Variants in MERTK observed in about 807,000 individuals in gnomAD.
The protein encoded by MERTK is tyrosine-protein kinase Mer.
A neutral mutation model predicts 99.3 loss-of-function variants in MERTK; 69 were observed. The observed-to-expected ratio is 0.70, with a 90% CI of 0.57 to 0.85. The LOEUF is 0.85. Ranked by LOEUF, MERTK falls within the 40% of genes least tolerant of loss-of-function variation. The pLI is 0.00. For synonymous variants in MERTK, 426 were observed against 467.6 expected (o/e 0.91, Z 1.15); for missense variants, 1,125 against 1,249.4 (o/e 0.90, Z 1.50).
intron 2 of MERTK, 47 bp from the exon 3 acceptor site, chr2:111,944,913 C>T: frequency 6.7e-7 from 1 of 1,494,092 alleles, no homozygotes; most frequent in Non-Finnish European, 9.3e-7. Context: ...ATAATAGGAA[C>T]TCAAAGGGTA....
At chr2:112,008,302 A>T in intron 13 of MERTK, 81 bp from the exon 14 acceptor site, 1 of 1,025,814 alleles carries the variant, frequency 9.7e-7, no homozygotes. Flanking sequence ...TGGGTTTTAG[A>T]GAACAGAACT....
intron 10 of MERTK, among the ~76,000 whole-genome samples, chr2:111,998,213 A>G (rs958011886): frequency 6.6e-6 from 1 of 152,362 alleles, no homozygotes; most frequent in African/African-American, 2.4e-5. Context: ...TTATAAGCCT[A>G]TTCTTACAAT....
intron 2 of MERTK, among the ~76,000 whole-genome samples, chr2:111,931,842 C>T (rs980421641): frequency 1.3e-5 from 2 of 152,156 alleles, no homozygotes; most frequent in Non-Finnish European, 2.9e-5. Flanking sequence ...TGTGGGTGAG[C>T]TGCCTCATCT....
chr2:111,989,080 G>A (rs562970062), intron 8 of MERTK, among the ~76,000 whole-genome samples: 1 of 152,172 alleles, frequency 6.6e-6, no homozygotes, highest in Admixed American at 6.5e-5. Context: ...CCAAAACCAG[G>A]GCTTTTCAGA....
intron 5 of MERTK, among the ~76,000 whole-genome samples, chr2:111,967,408 T>G (rs1685377406): frequency 6.6e-6 from 1 of 152,150 alleles, no homozygotes; most frequent in East Asian, 1.9e-4. Context: ...TGAGTGTAAT[T>G]ATTATTATGA....
intron 1 of MERTK, among the ~76,000 whole-genome samples, chr2:111,910,879 A>G (rs563984502): frequency 6.6e-6 from 1 of 152,280 alleles, no homozygotes; most frequent in African/African-American, 2.4e-5. Context: ...TTGTTAAAGA[A>G]TTCAAAATTA....
intron 7 of MERTK, among the ~76,000 whole-genome samples, chr2:111,979,562 T>C (rs1676324337): frequency 6.6e-6 from 1 of 152,148 alleles, no homozygotes; most frequent in Non-Finnish European, 1.5e-5. Flanking sequence ...TTCCACTCTC[T>C]GTTTTTTCCA....
intron 1 of MERTK, among the ~76,000 whole-genome samples, chr2:111,912,045 C>A (rs1558768352): frequency 6.6e-6 from 1 of 152,008 alleles, no homozygotes; most frequent in South Asian, 2.1e-4. Context: ...CGCTGTCACC[C>A]CGGCTGGAGT....
In MERTK at chr2:112,028,363, G is replaced by A; in HGVS notation, c.2499G>A (p.Met833Ile). ...EDCLDELYEI[M>I]YSCWRTDPLD... Reference sequence around the variant, plus strand: ...TTTTAACTTTCAGGTATGAAATAATGTACTCTTGCTGGAGAACCGATCCCT... The same window carrying A: ...TTTTAACTTTCAGGTATGAAATAATATACTCTTGCTGGAGAACCGATCCCT... Residue 833 changes from methionine (M) to isoleucine (I), a missense_variant, in exon 19 of 19, where the codon ATG becomes ATA. Coordinates refer to ENST00000295408, the MANE Select transcript of MERTK (RefSeq NM_006343.3). 6.2e-7 allele frequency: 1 copy of A among 1,614,190 alleles called. No individual in the cohort carries two copies. Among genetic ancestry groups the A allele is most frequent in the Non-Finnish European group, 8.5e-7 (1 of 1,180,018 alleles).
At chr2:111,901,740 A>T (rs568947614) in intron 1 of MERTK, among the ~76,000 whole-genome samples, 4 of 151,616 alleles carry the variant, frequency 2.6e-5, no homozygotes, top group South Asian at 4.2e-4. Context: ...TTTTTTGTAG[A>T]GACAGGATCT....
At chr2:111,953,577 T>C (rs1201314568) in intron 4 of MERTK, among the ~76,000 whole-genome samples, 1 of 140,008 alleles carries the variant, frequency 7.1e-6, no homozygotes, top group African/African-American at 2.5e-5. Context: ...CATTGTTCTC[T>C]CTTTTTTTTT....
intron 17 of MERTK, among the ~76,000 whole-genome samples, chr2:112,021,929 T>G (rs934289484): frequency 4.6e-5 from 7 of 152,066 alleles, no homozygotes; most frequent in African/African-American, 1.7e-4. Context: ...CTAGATGCTA[T>G]ATGAAAGGTG....
chr2:111,959,689 G>A (rs1466645904), intron 4 of MERTK, among the ~76,000 whole-genome samples: 1 of 152,038 alleles, frequency 6.6e-6, no homozygotes. Flanking sequence ...GCCCCAGGGT[G>A]GGGCAACTTC....
intron 1 of MERTK, among the ~76,000 whole-genome samples, chr2:111,906,324 T>C (rs1442265592): frequency 6.6e-6 from 1 of 152,246 alleles, no homozygotes; most frequent in Non-Finnish European, 1.5e-5. Flanking sequence ...TTGCCTCTCA[T>C]TAGATACACA....
At position 111,994,314 on chromosome 2, in the gene MERTK, A is replaced by G. The variant is rs2104398967; in HGVS notation, c.1360A>G (p.Asn454Asp). 6.2e-7 allele frequency: 1 copy of G among 1,614,166 alleles called. No individual in the cohort carries two copies. Among genetic ancestry groups the G allele is most frequent in the South Asian group, 1.1e-5 (1 of 91,082 alleles). ...SRARISVQVH[N>D]ATCTVRIAAV... ...AGCTCGGATCTCTGTTCAAGTCCAC[A>G]ATGCTACGTGCACAGTGAGGATTGC... Residue 454 changes from asparagine (N) to aspartate (D), a missense_variant, in exon 9 of 19, where the codon AAT becomes GAT. Physicochemically the swap from Asn to Asp is conservative, Grantham distance 23. Coordinates refer to ENST00000295408, the MANE Select transcript of MERTK (RefSeq NM_006343.3).
chr2:111,932,829 G>A (rs1467860991), intron 2 of MERTK, among the ~76,000 whole-genome samples: 2 of 152,126 alleles, frequency 1.3e-5, no homozygotes, highest in Admixed American at 6.5e-5. Context: ...TAGCAGGGTT[G>A]GAATGTCTCT....
chr2:111,898,744 G>T lies in MERTK; in HGVS notation c.9G>T (p.Pro3=). 1 of 1,606,340 alleles carries T rather than the reference G, an allele frequency of 6.2e-7. No individual in the cohort carries two copies. The highest frequency in any genetic ancestry group is 8.5e-7 in the Non-Finnish European group (1 of 1,177,024). The part of the protein sequence containing the change: MG[P]APLPLLLGLF... ...AGATCCGCAGCCCCGGGATGGGGCC[G>T]GCCCCGCTGCCGCTGCTGCTGGGCC... The change falls in exon 1 of 19, where the codon CCG becomes CCT. Residue 3 remains proline (P), a synonymous_variant. Coordinates refer to ENST00000295408, the MANE Select transcript of MERTK (RefSeq NM_006343.3).
In MERTK at chr2:112,029,036, T is replaced by G. The variant is rs917787371; in HGVS notation, c.*172T>G. On this transcript the variant is annotated 3_prime_UTR_variant, in exon 19 of 19. Coordinates refer to ENST00000295408, the MANE Select transcript of MERTK (RefSeq NM_006343.3). ...TGTCATTAAAAATACATAATATATA[T>G]TTATTTAAAGAGAAAAAATATGTGT... 7 of 1,397,550 alleles carry G rather than the reference T, an allele frequency of 5.0e-6. No individual in the cohort carries two copies. The African/African-American group carries it at 1.0e-4, about 20-fold the overall frequency. 86.6% of individuals were successfully genotyped at this position (1,397,550 alleles called of 1,614,324 possible).
intron 1 of MERTK, among the ~76,000 whole-genome samples, chr2:111,901,556 TTTC>T (rs1238165749): frequency 1.5e-5 from 2 of 134,734 alleles, no homozygotes; most frequent in Non-Finnish European, 3.3e-5. Flanking sequence ...CTTTTCTTTC[TTTC>T]TTTTTTTTTT....
Sources: allele counts gnomAD v4.1 joint callset (sites outside exome capture counted in the v4.1 genomes callset), GRCh38; gene constraint gnomAD v4.1.1; transcripts MANE v1.5; gene names NCBI Gene and HGNC (gene_info 2026-07-23, HGNC 2026-07-21).